Variants in METTL6 observed in about 807,000 individuals in gnomAD.
METTL6 encodes the protein methyltransferase 6, tRNA N3-cytidine.
METTL6 carries 22 observed loss-of-function variants against 26.4 expected under a neutral mutation model. That is an observed-to-expected ratio of 0.83 (90% confidence interval 0.59 to 1.19). The LOEUF (loss-of-function observed/expected upper bound fraction) is 1.19, where lower values mean the gene tolerates loss of function less well. Among genes scored for constraint, METTL6 ranks in the 50% most tolerant of loss-of-function variants. METTL6 has a pLI of 0.00. For synonymous variants in METTL6, 109 were observed against 116.2 expected, an observed-to-expected ratio of 0.94 and a Z score of 0.40; for missense variants, 304 against 324.8, an observed-to-expected ratio of 0.94 and a Z score of 0.49.
intron 5 of METTL6, among the ~76,000 whole-genome samples, chr3:15,411,938 T>G (rs1293590298): frequency 5.3e-5 from 8 of 152,206 alleles, no homozygotes; most frequent in Admixed American, 5.2e-4. Flanking sequence ...AATTTTTTTG[T>G]ATTTTTAGTA....
At chr3:15,414,907 G>T in intron 4 of METTL6, 1 of 1,094,158 alleles carries the variant, frequency 9.1e-7, no homozygotes, top group Non-Finnish European at 1.2e-6. Flanking sequence ...GAGTGACACA[G>T]CAAGACCCTG....
exon 7 of METTL6, chr3:15,382,778 C>T (rs1699108426): frequency 6.6e-6 from 1 of 151,730 alleles, no homozygotes; most frequent in Non-Finnish European, 1.5e-5. Context: ...CCCCATACAA[C>T]TGATTAAATT....
intron 6 of METTL6, among the ~76,000 whole-genome samples, chr3:15,393,325 G>A (rs1412742032): frequency 6.6e-6 from 1 of 152,184 alleles, no homozygotes; most frequent in South Asian, 2.1e-4. Flanking sequence ...AAGAATGCTT[G>A]TGATTTTTGC....
Position 15,415,768 on chromosome 3 carries a change from T to G in METTL6, c.531+4A>C, listed in dbSNP as rs1700177800. 1 of 1,612,990 alleles carries G rather than the reference T, an allele frequency of 6.2e-7. No individual in the cohort carries two copies. The highest frequency in any genetic ancestry group is 8.5e-7 in the Non-Finnish European group (1 of 1,179,522). On this transcript the variant is annotated splice_donor_region_variant and intron_variant, in intron 4 of 5. Transcript: ENST00000383790. ...CCCTCAAGTGCAGGCCCCAAATCACTAACCTTGTAAATGTTTTGTAAGACA... is the reference window on the plus strand; with the variant it reads ...CCCTCAAGTGCAGGCCCCAAATCACGAACCTTGTAAATGTTTTGTAAGACA...
chr3:15,392,312 T>G (rs1052351638), intron 6 of METTL6, among the ~76,000 whole-genome samples: 1 of 152,198 alleles, frequency 6.6e-6, no homozygotes, highest in East Asian at 1.9e-4. Flanking sequence ...GAGAAGTGTC[T>G]GTTCATATCC....
intron 6 of METTL6, among the ~76,000 whole-genome samples, chr3:15,393,180 T>C (rs1478915474): frequency 2.0e-5 from 3 of 152,318 alleles, no homozygotes; most frequent in Admixed American, 2.0e-4. Flanking sequence ...CATTGAGCAG[T>C]GGTTGTAGTT....
At chr3:15,406,166 G>A (rs1699778361), downstream of METTL6, among the ~76,000 whole-genome samples, 3 of 151,804 alleles carry the variant, frequency 2.0e-5, no homozygotes, top group South Asian at 2.1e-4. Flanking sequence ...TACTCACTAC[G>A]TTTCCGGCGA....
chr3:15,392,711 A>G (rs979656136), intron 6 of METTL6, among the ~76,000 whole-genome samples: 2 of 152,212 alleles, frequency 1.3e-5, no homozygotes, highest in Admixed American at 1.3e-4. Flanking sequence ...AGCTTTCTAC[A>G]TATGGCTAGC....
chr3:15,395,834 C>A (rs1434921514), intron 6 of METTL6, among the ~76,000 whole-genome samples: 1 of 152,218 alleles, frequency 6.6e-6, no homozygotes, highest in Admixed American at 6.5e-5. Flanking sequence ...CCACTCTCTT[C>A]TGGCTTGTAG....
downstream of METTL6, among the ~76,000 whole-genome samples, chr3:15,405,040 C>G (rs577722740): frequency 6.6e-6 from 1 of 152,188 alleles, no homozygotes; most frequent in African/African-American, 2.4e-5. Context: ...ATAATATCTG[C>G]GTGAGGCAGA....
At chr3:15,406,850 G>A (rs1021922757), downstream of METTL6, among the ~76,000 whole-genome samples, 1 of 151,600 alleles carries the variant, frequency 6.6e-6, no homozygotes, top group African/African-American at 2.4e-5. Context: ...AGCTAGTCTC[G>A]AACTCCTGAC....
downstream of METTL6, among the ~76,000 whole-genome samples, chr3:15,407,136 A>G (rs142790695): frequency 6.6e-6 from 1 of 152,148 alleles, no homozygotes; most frequent in Non-Finnish European, 1.5e-5. Flanking sequence ...CGGCCTCTCA[A>G]TTAGCTGGGA....
intron 5 of METTL6, chr3:15,413,553 C>T (rs924394025): frequency 4.4e-6 from 4 of 919,188 alleles, no homozygotes; most frequent in African/African-American, 1.7e-5. Flanking sequence ...GCCTGGGTGA[C>T]AGAATTAGAC....
intron 3 of METTL6, among the ~76,000 whole-genome samples, chr3:15,423,865 G>C (rs1000558395): frequency 1.3e-5 from 2 of 151,984 alleles, no homozygotes; most frequent in African/African-American, 4.8e-5. Flanking sequence ...GCCTGGGTGA[G>C]AGTGAAACCA....
rs775514318 is a variant in METTL6 at position 15,410,125 on chromosome 3, T to C, written c.*1131A>G. ...CTACTTTTCAGGCCTTGAAATTTTA[T>C]TTACATGTCTCTAACACACACACAT... On this transcript the variant is annotated 3_prime_UTR_variant, in exon 6 of 6. Transcript: ENST00000383790. Among the ~76,000 whole-genome samples the C allele has an allele frequency of 5.3e-5, 8 of 152,182 alleles. No individual in the cohort carries two copies. Among genetic ancestry groups the C allele is most frequent in the Non-Finnish European group, 5.9e-5 (4 of 68,042 alleles).
chr3:15,409,014 C>T (rs1019068635), downstream of METTL6, among the ~76,000 whole-genome samples: 2 of 152,106 alleles, frequency 1.3e-5, no homozygotes, highest in African/African-American at 4.8e-5. Flanking sequence ...CTGGACAGGG[C>T]TGGATTCTCA....
chr3:15,415,996 T>C (rs1433497870), intron 3 of METTL6, 54 bp from the exon 4 acceptor site: 1 of 1,489,726 alleles, frequency 6.7e-7, no homozygotes, highest in Non-Finnish European at 9.1e-7. Context: ...GGCTGATACA[T>C]ATAGAAAAAT....
intron 4 of METTL6, 141 bp from the exon 5 acceptor site, chr3:15,414,303 T>C (rs1377211589): frequency 2.0e-5 from 28 of 1,431,718 alleles, no homozygotes; most frequent in Middle Eastern, 5.0e-4. Context: ...CAAAATGGCC[T>C]ACTACTTAAA....
At chr3:15,414,315 A>T in intron 4 of METTL6, 153 bp from the exon 5 acceptor site, 1 of 1,428,304 alleles carries the variant, frequency 7.0e-7, no homozygotes, top group South Asian at 1.5e-5. Context: ...CTACTTAAAA[A>T]GATAGTAAGA....
Sources: gnomAD v4.1 joint callset for allele counts (sites outside exome capture counted in the v4.1 genomes callset) on GRCh38, gnomAD v4.1.1 for gene constraint, MANE v1.5 for transcripts, NCBI Gene and HGNC (gene_info 2026-07-23, HGNC 2026-07-21) for gene names.